Variants in INTS10 observed in about 807,000 individuals in gnomAD.
The protein encoded by INTS10 is integrator complex subunit 10.
In INTS10, 44 loss-of-function variants were observed where a neutral mutation model predicts 94.4. The ratio of observed to expected loss-of-function variants is 0.47; its 90% CI spans 0.37 to 0.60. INTS10 has a LOEUF of 0.60. INTS10 is among the 20% of genes least tolerant of loss of function. The pLI is 0.00. For missense variants in INTS10, 797 were observed against 868.7 expected, an observed-to-expected ratio of 0.92 and a Z score of 1.04; for synonymous variants, 341 against 320.7, an observed-to-expected ratio of 1.06 and a Z score of -0.68.
intron 8 of INTS10, 27 bp from the exon 9 acceptor site, chr8:19,826,395 GGTAA>G: frequency 6.3e-7 from 1 of 1,594,128 alleles, no homozygotes; most frequent in Non-Finnish European, 8.5e-7. Flanking sequence ...TTGCTGCACT[GGTAA>G]GTGTTGGTGT....
intron 9 of INTS10, among the ~76,000 whole-genome samples, chr8:19,828,725 T>A (rs961951938): frequency 6.6e-6 from 1 of 151,392 alleles, no homozygotes; most frequent in East Asian, 1.9e-4. Context: ...GGTTGTGGTT[T>A]TTTTTTTTTT....
At chr8:19,826,402 G>A (rs754760867) in intron 8 of INTS10, 24 bp from the exon 9 acceptor site, 3 of 1,600,452 alleles carry the variant, frequency 1.9e-6, no homozygotes, top group Admixed American at 1.8e-5. Flanking sequence ...ACTGGTAAGT[G>A]TTGGTGTTTT....
intron 10 of INTS10, among the ~76,000 whole-genome samples, chr8:19,831,166 T>G (rs894687705): frequency 2.0e-5 from 3 of 152,198 alleles, no homozygotes; most frequent in African/African-American, 2.4e-5. Context: ...CCGTGGACAT[T>G]CATCCCCTGG....
intron 7 of INTS10, chr8:19,824,279 G>T: frequency 3.1e-6 from 1 of 327,684 alleles, no homozygotes; most frequent in Non-Finnish European, 5.5e-6. Flanking sequence ...ATCACTTGAG[G>T]TCAGGAGTTC....
chr8:19,845,110 T>C (rs1350093486), intron 15 of INTS10, among the ~76,000 whole-genome samples: 3 of 152,118 alleles, frequency 2.0e-5, no homozygotes, highest in Admixed American at 1.3e-4. Flanking sequence ...CTTTTGAGAA[T>C]CTAATGAAAG....
At position 19,823,875 on chromosome 8, in the gene INTS10, G is replaced by A. The variant is rs1051380826; in HGVS notation, c.667G>A (p.Ala223Thr). Residue 223 changes from alanine to threonine, a missense_variant and splice_region_variant, in exon 7 of 17, where the codon GCC (alanine) becomes ACC (threonine). Ala to Thr is a moderately conservative substitution (Grantham distance 58, BLOSUM62 0). This residue lies in a region of INTS10 where 734 missense variants were observed against 787.8 expected (regional missense o/e 0.93). Transcript: ENST00000397977. ...GCTACTTTTTTCTTACATCTCAGGC[G>A]CCCAGGATACATCTGATTTAATGTC... ...STQIENQHQG[A>T]QDTSDLMSPS... 3.1e-5 allele frequency: 49 copies of A among 1,594,604 alleles called. No individual in the cohort carries two copies. Among genetic ancestry groups the A allele is most frequent in the Non-Finnish European group, 4.0e-5 (47 of 1,172,552 alleles).
At chr8:19,825,632 T>C (rs1024239325) in intron 8 of INTS10, among the ~76,000 whole-genome samples, 9 of 152,082 alleles carry the variant, frequency 5.9e-5, no homozygotes, top group Non-Finnish European at 1.0e-4. Context: ...ATTTTATATA[T>C]AGAGAGTATA....
At chr8:19,847,340 C>T (rs1047524096) in intron 16 of INTS10, among the ~76,000 whole-genome samples, 7 of 152,154 alleles carry the variant, frequency 4.6e-5, no homozygotes, top group Admixed American at 2.0e-4. Flanking sequence ...TTTCTAAGAT[C>T]GTGAATCGAA....
intron 10 of INTS10, 135 bp downstream of exon 10, chr8:19,830,694 G>T: frequency 1.4e-5 from 11 of 814,592 alleles, no homozygotes; most frequent in Non-Finnish European, 2.1e-5. Context: ...GTTTTGAGAC[G>T]GAGTCTCACT....
chr8:19,833,453 A>T, intron 12 of INTS10, 132 bp downstream of exon 12: 1 of 581,320 alleles, frequency 1.7e-6, no homozygotes, highest in Non-Finnish European at 2.6e-6. Flanking sequence ...TTATTACTTA[A>T]TCTGCTAGTG....
In INTS10 at chr8:19,824,956, G is replaced by T. The variant is rs367549420; in HGVS notation, c.990G>T (p.Gln330His). Residue 330 changes from glutamine (Q) to histidine (H), a missense_variant, in exon 8 of 17, where the codon CAG becomes CAT. Gln to His is a conservative substitution (Grantham distance 24). This residue lies in a region of INTS10 where 734 missense variants were observed against 787.8 expected (regional missense o/e 0.93). Coordinates refer to ENST00000397977, the MANE Select transcript of INTS10 (RefSeq NM_018142.4). ...CATTCCAGTATGTCAACAGCATACAGCCATCTCTCTTCCAAGGTTGGTTTA... is the reference window on the plus strand; with the variant it reads ...CATTCCAGTATGTCAACAGCATACATCCATCTCTCTTCCAAGGTTGGTTTA... ...KNAFQYVNSI[Q>H]PSLFQGPNAP... 11 of 1,613,814 alleles carry T rather than the reference G, an allele frequency of 6.8e-6. No homozygotes were observed. The highest frequency in any genetic ancestry group is 1.1e-5 in the South Asian group (1 of 90,990).
At chr8:19,829,395 A>G (rs1041192847) in intron 9 of INTS10, among the ~76,000 whole-genome samples, 2 of 150,946 alleles carry the variant, frequency 1.3e-5, no homozygotes, top group Non-Finnish European at 2.9e-5. Context: ...ATCTGACTCT[A>G]CCCAGCGGTA....
At chr8:19,837,566 CTT>C (rs1203968736) in intron 13 of INTS10, 1 of 160,710 alleles carries the variant, frequency 6.2e-6, no homozygotes, top group African/African-American at 2.4e-5. Flanking sequence ...TTTTTCCTGT[CTT>C]TACAATTCTA....
intron 12 of INTS10, among the ~76,000 whole-genome samples, chr8:19,835,419 G>C (rs985233654): frequency 6.6e-6 from 1 of 152,070 alleles, no homozygotes; most frequent in African/African-American, 2.4e-5. Flanking sequence ...CACATGGTTT[G>C]AGTTAGGGAA....
chr8:19,846,176 C>T lies in INTS10; in HGVS notation c.1976+379C>T, dbSNP rs749551370. 1.3e-5 allele frequency among the ~76,000 whole-genome samples: 2 copies of T among 151,766 alleles called. No homozygotes were observed. The highest frequency in any genetic ancestry group is 2.9e-5 in the Non-Finnish European group (2 of 67,990). On this transcript the variant is annotated intron_variant, in intron 16 of 16. Coordinates refer to ENST00000397977, the MANE Select transcript of INTS10 (RefSeq NM_018142.4). This position sits in a 1 kb window ranked among gnomAD's most constrained non-coding sequence, Gnocchi z 4.2. Reference sequence around the variant, plus strand: ...GTGGCTCACGCCTGTAATCTCAACACTTTGGGAGGCCAAGGAGGACAGATC... The same window carrying T: ...GTGGCTCACGCCTGTAATCTCAACATTTTGGGAGGCCAAGGAGGACAGATC...
Position 19,820,472 on chromosome 8 carries a change from T to C in INTS10, c.395T>C (p.Leu132Ser), listed in dbSNP as rs1411512904. 2 of 1,613,022 alleles carry C rather than the reference T, an allele frequency of 1.2e-6. No homozygotes were observed. The highest frequency in any genetic ancestry group is 2.2e-5 in the South Asian group (2 of 90,998). The change falls in exon 4 of 17, where the codon TTG becomes TCG. Residue 132 changes from leucine to serine, a missense_variant. Transcript: ENST00000397977. ...AACACGTTAGAACGATCAGAAATGT[T>C]GCTTCTACTTTTGAGGCGCTTCCCT... ...CFNTLERSEM[L>S]LLLLRRFPET... is the part of the protein sequence containing the mutation.
rs2068353651 is a variant in INTS10, at chr8:19,843,982, A to T, written c.1720-94A>T. ...AATGACGTTTATCACACATTTGCAT[A>T]TACAGCATATTTTTGGAAAGTGATG... is the stretch of plus-strand genomic sequence containing the variant. On this transcript the variant is annotated intron_variant, in intron 14 of 16. Coordinates refer to ENST00000397977, the MANE Select transcript of INTS10 (RefSeq NM_018142.4). The surrounding 1 kb of genome is among the most constrained non-coding windows in gnomAD (Gnocchi z 4.7). 1.1e-6 allele frequency: 1 copy of T among 951,300 alleles called. No individual in the cohort carries two copies. The highest frequency in any genetic ancestry group is 1.8e-5 in the South Asian group (1 of 57,084). The allele number at this position is 951,300 out of a possible 1,614,324, so 58.9% of individuals were successfully genotyped here.
At chr8:19,831,209 A>G (rs114357649) in intron 10 of INTS10, among the ~76,000 whole-genome samples, 1,732 of 152,324 alleles carry the variant, frequency 0.011, 30 homozygotes, top group South Asian at 0.048. Flanking sequence ...GCCCTTGGCC[A>G]GATGTGCTGT....
At chr8:19,824,082 C>A in intron 7 of INTS10, 38 bp downstream of exon 7, 2 of 1,478,972 alleles carry the variant, frequency 1.4e-6, no homozygotes, top group South Asian at 1.3e-5. Flanking sequence ...CCTATTGATT[C>A]TTTTGGATCC....
Sources: gnomAD v4.1 joint callset for allele counts (sites outside exome capture counted in the v4.1 genomes callset) on GRCh38, gnomAD v4.1.1 for gene constraint, gnomAD v4.1.1 regional missense constraint, Gnocchi (gnomAD v3.1) non-coding constraint, MANE v1.5 for transcripts, NCBI Gene and HGNC (gene_info 2026-07-23, HGNC 2026-07-21) for gene names.